IL1RAPL2: variants seen among roughly 807,000 people sequenced by gnomAD.
The protein encoded by IL1RAPL2 is X-linked interleukin-1 receptor accessory protein-like 2.
Under a neutral mutation model 44.1 loss-of-function variants are expected in IL1RAPL2, and 3 were observed. The observed-to-expected ratio is 0.07, with a 90% CI of 0.03 to 0.18. IL1RAPL2 has a LOEUF of 0.18. Among genes scored for constraint, IL1RAPL2 ranks in the 10% least tolerant of loss-of-function variants. The pLI is 1.00. For synonymous variants in IL1RAPL2, 181 were observed against 178.8 expected (o/e 1.01, Z -0.10); for missense variants, 391 against 496.4 (o/e 0.79, Z 2.02).
intron 2 of IL1RAPL2, among the ~76,000 whole-genome samples, chrX:105,008,590 C>T (rs1007871745): frequency 2.7e-5 from 3 of 110,797 alleles, no homozygotes; most frequent in African/African-American, 6.6e-5. Context: ...ACACCTTATA[C>T]AAAAATTAAT....
chrX:104,625,295 C>T (rs984703384), intron 1 of IL1RAPL2, among the ~76,000 whole-genome samples: 2 of 110,544 alleles, frequency 1.8e-5, no homozygotes, highest in African/African-American at 6.6e-5. Flanking sequence ...CAATGCTTAC[C>T]CTTGGCCAAA....
At chrX:104,829,635 T>G (rs757911627) in intron 2 of IL1RAPL2, among the ~76,000 whole-genome samples, 1 of 112,742 alleles carries the variant, frequency 8.9e-6, no homozygotes, top group South Asian at 3.7e-4. Context: ...TGTCCATTTA[T>G]AAAATGTGAT....
intron 1 of IL1RAPL2, among the ~76,000 whole-genome samples, chrX:104,601,127 ATTTTC>A (rs749144289): frequency 1.8e-5 from 2 of 111,283 alleles, no homozygotes; most frequent in East Asian, 5.7e-4. Flanking sequence ...CCATGGAGCA[ATTTTC>A]TTTTTTTTTA....
At chrX:105,134,917 G>T (rs2033062205) in intron 2 of IL1RAPL2, among the ~76,000 whole-genome samples, 2 of 109,039 alleles carry the variant, frequency 1.8e-5, no homozygotes, top group South Asian at 8.2e-4. Flanking sequence ...CTGTATTCCT[G>T]CATCTCCAAC....
chrX:104,686,178 G>A (rs1930984292), intron 2 of IL1RAPL2, among the ~76,000 whole-genome samples: 1 of 110,637 alleles, frequency 9.0e-6, no homozygotes, highest in African/African-American at 3.3e-5. Context: ...AGTTTAAAGG[G>A]TACCACCAGA....
At chrX:105,029,963 A>G (rs1348121431) in intron 2 of IL1RAPL2, among the ~76,000 whole-genome samples, 5 of 111,808 alleles carry the variant, frequency 4.5e-5, no homozygotes, top group African/African-American at 1.6e-4. Flanking sequence ...GTGAGATGGT[A>G]TCTCATTGTG....
intron 5 of IL1RAPL2, among the ~76,000 whole-genome samples, chrX:105,320,817 A>G (rs1007086250): frequency 8.9e-6 from 1 of 111,999 alleles, no homozygotes; most frequent in African/African-American, 3.2e-5. Flanking sequence ...GCTGGAGCCC[A>G]TGGAGAGAGG....
chrX:104,582,449 T>G (rs1928367182), intron 1 of IL1RAPL2, among the ~76,000 whole-genome samples: 1 of 111,677 alleles, frequency 9.0e-6, no homozygotes, highest in African/African-American at 3.2e-5. Context: ...TATACTTTTT[T>G]CTAACTTGGT....
intron 2 of IL1RAPL2, among the ~76,000 whole-genome samples, chrX:105,129,932 C>T (rs2033011251): frequency 9.0e-6 from 1 of 110,914 alleles, no homozygotes; most frequent in Admixed American, 9.6e-5. Context: ...CCTACGTATT[C>T]AGCTTAATCT....
At chrX:105,517,381 A>G (rs1010198311) in intron 6 of IL1RAPL2, among the ~76,000 whole-genome samples, 1 of 111,685 alleles carries the variant, frequency 9.0e-6, no homozygotes, top group Non-Finnish European at 1.9e-5. Flanking sequence ...CTCTAGTTCA[A>G]GTATAGTCAA....
intron 5 of IL1RAPL2, among the ~76,000 whole-genome samples, chrX:105,458,194 G>A (rs2036069434): frequency 9.0e-6 from 1 of 111,422 alleles, no homozygotes. Context: ...TTGTTCATCT[G>A]TAGGAGTATT....
At chrX:105,426,287 C>T (rs928979505) in intron 5 of IL1RAPL2, among the ~76,000 whole-genome samples, 1 of 110,698 alleles carries the variant, frequency 9.0e-6, no homozygotes, top group African/African-American at 3.3e-5. Flanking sequence ...CCCTGCCTAC[C>T]ACAGCAACTT....
intron 2 of IL1RAPL2, among the ~76,000 whole-genome samples, chrX:104,861,393 C>G (rs899205328): frequency 9.0e-6 from 1 of 111,462 alleles, no homozygotes; most frequent in East Asian, 2.8e-4. Context: ...AAAGAACTCC[C>G]TTTATAGTGG....
chrX:104,835,337 A>C (rs1039619340), intron 2 of IL1RAPL2, among the ~76,000 whole-genome samples: 1 of 110,916 alleles, frequency 9.0e-6, no homozygotes, highest in Non-Finnish European at 1.9e-5. Flanking sequence ...TTTGTAAAAC[A>C]TATCTCCAGG....
At chrX:104,908,638 G>C (rs1215783799) in intron 2 of IL1RAPL2, among the ~76,000 whole-genome samples, 47 of 111,733 alleles carry the variant, frequency 4.2e-4, no homozygotes, top group South Asian at 1.1e-3. Context: ...GGCCCCCACT[G>C]TCTTCTGGCT....
intron 2 of IL1RAPL2, among the ~76,000 whole-genome samples, chrX:105,124,071 A>G (rs2032951532): frequency 9.0e-6 from 1 of 111,048 alleles, no homozygotes; most frequent in Non-Finnish European, 1.9e-5. Context: ...TTTAAGGCAC[A>G]ACCTTGACTT....
chrX:105,689,529 C>T (rs751350571), intron 6 of IL1RAPL2, among the ~76,000 whole-genome samples: 12 of 111,964 alleles, frequency 1.1e-4, no homozygotes, highest in South Asian at 3.7e-4. Flanking sequence ...TACCATCTCA[C>T]GCCAGTTAGA....
intron 5 of IL1RAPL2, among the ~76,000 whole-genome samples, chrX:105,417,104 G>T (rs745772579): frequency 2.3e-4 from 26 of 112,414 alleles, no homozygotes; most frequent in African/African-American, 7.7e-4. Flanking sequence ...GGATATGAGG[G>T]AGAGTTCTTA....
intron 6 of IL1RAPL2, among the ~76,000 whole-genome samples, chrX:105,515,165 A>T (rs928819538): frequency 3.6e-5 from 4 of 111,668 alleles, no homozygotes; most frequent in African/African-American, 1.3e-4. Flanking sequence ...GTGTTCACTG[A>T]TCACAACATC....
Sources: gnomAD v4.1 joint callset for allele counts (sites outside exome capture counted in the v4.1 genomes callset) on GRCh38, gnomAD v4.1.1 for gene constraint, MANE v1.5 for transcripts, NCBI Gene and HGNC (gene_info 2026-07-23, HGNC 2026-07-21) for gene names.